SLC37A3: variants seen among roughly 807,000 people sequenced by gnomAD.
SLC37A3 encodes the protein sugar phosphate exchanger 3.
Under a neutral mutation model 67.1 loss-of-function variants are expected in SLC37A3, and 51 were observed. The observed-to-expected ratio is 0.76, with a 90% CI of 0.61 to 0.96. SLC37A3 has a LOEUF of 0.96. Among genes scored for constraint, SLC37A3 ranks in the 40% least tolerant of loss-of-function variants. The pLI is 0.00. For missense variants in SLC37A3, 508 were observed against 603.0 expected (o/e 0.84, Z 1.65); for synonymous variants, 214 against 231.4 (o/e 0.92, Z 0.68).
chr7:140,362,782 TC>T (rs1797401654), intron 5 of SLC37A3, among the ~76,000 whole-genome samples: 1 of 70,430 alleles, frequency 1.4e-5, no homozygotes, highest in Non-Finnish European at 2.9e-5. Flanking sequence ...GGTGGGGGGA[TC>T]AGCCCCCCGC....
At chr7:140,361,760 C>T (rs1418268532) in intron 5 of SLC37A3, among the ~76,000 whole-genome samples, 4 of 144,340 alleles carry the variant, frequency 2.8e-5, no homozygotes, top group South Asian at 2.2e-4. Context: ...CTGTGTCGGC[C>T]GGGCTGGTCT....
intron 1 of SLC37A3, among the ~76,000 whole-genome samples, chr7:140,397,137 T>C (rs534868881): frequency 7.7e-6 from 1 of 129,400 alleles, no homozygotes; most frequent in South Asian, 2.8e-4. Flanking sequence ...GAGGCGGAGG[T>C]TGCAGTGAGC....
At chr7:140,366,622 C>T (rs1797612562) in intron 4 of SLC37A3, among the ~76,000 whole-genome samples, 1 of 152,148 alleles carries the variant, frequency 6.6e-6, no homozygotes, top group Non-Finnish European at 1.5e-5. Context: ...TTTAACACAG[C>T]TAGTTAGACT....
At chr7:140,384,548 C>T (rs1354667448) in intron 1 of SLC37A3, among the ~76,000 whole-genome samples, 1 of 146,530 alleles carries the variant, frequency 6.8e-6, no homozygotes, top group Non-Finnish European at 1.5e-5. Context: ...CCCATCTCTA[C>T]AAAAACTAAA....
In SLC37A3 at chr7:140,380,328, T is replaced by C. The variant is rs765806288; in HGVS notation, c.152A>G (p.Gln51Arg). The C allele has an allele frequency of 4.3e-5, 69 of 1,613,544 alleles. No individual in the cohort carries two copies. The highest frequency in any genetic ancestry group is 5.8e-5 in the Non-Finnish European group (69 of 1,179,650). ...FSNVKVSISE[Q>R]WTPSAFNTSV... ...CGTGTTAAAAGCACTTGGGGTCCAC[T>C]GCTCAGAGATACTGACTTTGACATT... Residue 51 changes from glutamine to arginine, a missense_variant, in exon 3 of 15, where the codon CAG becomes CGG. Coordinates refer to ENST00000326232, the MANE Select transcript of SLC37A3 (RefSeq NM_207113.3).
chr7:140,369,051 G>A (rs1023894192), intron 4 of SLC37A3, among the ~76,000 whole-genome samples: 3 of 151,942 alleles, frequency 2.0e-5, no homozygotes, highest in Non-Finnish European at 4.4e-5. Context: ...AGCCAAAGCC[G>A]CCCCAAAGGT....
At chr7:140,341,325 A>C (rs1585250022) in intron 13 of SLC37A3, among the ~76,000 whole-genome samples, 1 of 152,132 alleles carries the variant, frequency 6.6e-6, no homozygotes, top group Non-Finnish European at 1.5e-5. Context: ...TGTGTCAACA[A>C]AAGCACTAAG....
chr7:140,396,895 T>G (rs200422054), intron 1 of SLC37A3, among the ~76,000 whole-genome samples: 9,756 of 32,192 alleles, frequency 0.3, 472 homozygotes, highest in Admixed American at 0.46. Context: ...TTTTTTTTTG[T>G]TTTTTTTTTT....
At chr7:140,397,646 ATATT>A (rs1712919008) in intron 1 of SLC37A3, among the ~76,000 whole-genome samples, 1 of 152,186 alleles carries the variant, frequency 6.6e-6, no homozygotes, top group Admixed American at 6.5e-5. Flanking sequence ...ACTGTTATAT[ATATT>A]TATGTATGTA....
intron 1 of SLC37A3, among the ~76,000 whole-genome samples, chr7:140,392,742 T>G (rs1466665216): frequency 2.0e-5 from 3 of 151,870 alleles, no homozygotes; most frequent in African/African-American, 7.3e-5. Flanking sequence ...ACTGCAGAGG[T>G]TGGGTTTTGT....
chr7:140,355,221 AT>A lies in SLC37A3; in HGVS notation c.618+446del, dbSNP rs1563020511. ...TTGTCTACTTTTTTTTTTTTAATTAATTTATTTCTGAACAGAGTCTCACTCT... is the reference window on the plus strand; with the variant it reads ...TTGTCTACTTTTTTTTTTTTAATTAATTATTTCTGAACAGAGTCTCACTCT... On this transcript the variant is annotated intron_variant, in intron 7 of 14. Transcript: ENST00000326232. Among the ~76,000 whole-genome samples, 482 of 149,074 alleles carry A rather than the reference AT, an allele frequency of 3.2e-3. 13 individuals are homozygous for A. The South Asian group carries it at 0.05, about 15-fold the overall frequency.
chr7:140,369,777 G>C (rs1797748119), intron 3 of SLC37A3, 95 bp from the exon 4 acceptor site: 1 of 934,116 alleles, frequency 1.1e-6, no homozygotes, highest in Non-Finnish European at 1.7e-6. Flanking sequence ...CAAAGCACCA[G>C]TAATGCTCAA....
At chr7:140,335,670 A>C (rs1417002013) in intron 14 of SLC37A3, among the ~76,000 whole-genome samples, 166 bp from the exon 15 acceptor site, 2 of 152,238 alleles carry the variant, frequency 1.3e-5, no homozygotes, top group Non-Finnish European at 2.9e-5. Context: ...AATTATGGCT[A>C]ATATTACAAA....
At position 140,363,084 on chromosome 7, in the gene SLC37A3, C is replaced by A. The variant is rs1163339205; in HGVS notation, c.375+1324G>T. On this transcript the variant is annotated intron_variant, in intron 5 of 14. Transcript: ENST00000326232. ...GGAGGGTGGTGGGGGGGGTCAGCCCCCCGCCCGGCCAGCCGCCCCATCCGG... is the reference window on the plus strand; with the variant it reads ...GGAGGGTGGTGGGGGGGGTCAGCCCACCGCCCGGCCAGCCGCCCCATCCGG... 4.4e-5 allele frequency among the ~76,000 whole-genome samples: 4 copies of A among 89,910 alleles called. 1 individual carries two copies. The highest frequency in any genetic ancestry group is 1.6e-4 in the African/African-American group (4 of 24,548). The allele number at this position is 89,910 out of a possible 152,430, so 59.0% of individuals were successfully genotyped here.
At position 140,369,692 on chromosome 7, in the gene SLC37A3, G is replaced by A. The variant is rs1797744332; in HGVS notation, c.199-10C>T. ...GGTTGCTGCTCCAGATCTACAGTAA[G>A]ACAGCAGGAACAGGTCAGTCCCTGT... is the stretch of plus-strand genomic sequence containing the variant. On this transcript the variant is annotated splice_polypyrimidine_tract_variant and intron_variant, in intron 3 of 14. Transcript: ENST00000326232. 1 of 1,611,358 alleles carries A rather than the reference G, an allele frequency of 6.2e-7. No individual in the cohort carries two copies. Among genetic ancestry groups the A allele is most frequent in the African/African-American group, 1.3e-5 (1 of 74,874 alleles).
intron 1 of SLC37A3, among the ~76,000 whole-genome samples, chr7:140,385,459 C>A (rs964722233): frequency 1.3e-5 from 2 of 152,148 alleles, no homozygotes; most frequent in African/African-American, 4.8e-5. Context: ...TGAATCGTAG[C>A]TCTTTGAACT....
Position 140,352,053 on chromosome 7 carries a change from TCTC to T in SLC37A3, c.703+6_703+8del, listed in dbSNP as rs1211322416. ...GACATTCGGAATAGAAGGGGCGGCTTCTCCTCACCAATTTCTTCTGGTGACACC... is the reference window on the plus strand; with the variant it reads ...GACATTCGGAATAGAAGGGGCGGCTTCTCACCAATTTCTTCTGGTGACACC... On this transcript the variant is annotated splice_donor_region_variant and intron_variant, in intron 8 of 14. Coordinates refer to ENST00000326232, the MANE Select transcript of SLC37A3 (RefSeq NM_207113.3). 1.9e-6 allele frequency: 3 copies of T among 1,608,622 alleles called. No homozygotes were observed. The highest frequency in any genetic ancestry group is 2.7e-5 in the African/African-American group (2 of 74,872).
Position 140,343,555 on chromosome 7 carries a change from T to TA in SLC37A3, c.1182dup (p.Ile395TyrfsTer6). 6.2e-7 allele frequency: 1 copy of TA among 1,614,042 alleles called. No homozygotes were observed. Among genetic ancestry groups the TA allele is most frequent in the Non-Finnish European group, 8.5e-7 (1 of 1,180,010 alleles). Reference sequence around the variant, plus strand: ...CTAATCATATTAGAAGGTCCACCAATAAAAAATCCTGAAGTCATAAACAGG... The same window carrying TA: ...CTAATCATATTAGAAGGTCCACCAATAAAAAAATCCTGAAGTCATAAACAGG... On this transcript the variant is annotated frameshift_variant, in exon 13 of 15. Transcript: ENST00000326232. LOFTEE classifies it high-confidence loss of function.
chr7:140,373,502 C>T (rs1797903347), intron 3 of SLC37A3, among the ~76,000 whole-genome samples: 1 of 152,052 alleles, frequency 6.6e-6, no homozygotes. Flanking sequence ...TTTCAGATTC[C>T]ATCACTGGAA....
Sources: allele counts gnomAD v4.1 joint callset (sites outside exome capture counted in the v4.1 genomes callset), GRCh38; gene constraint gnomAD v4.1.1; transcripts MANE v1.5; gene names NCBI Gene and HGNC (gene_info 2026-07-23, HGNC 2026-07-21).